Variants in DYM observed in about 807,000 individuals in gnomAD.
DYM encodes dyggve-Melchior-Clausen syndrome protein.
In DYM, 78 loss-of-function variants were observed where a neutral mutation model predicts 93.1. The ratio of observed to expected loss-of-function variants is 0.84; its 90% CI spans 0.70 to 1.01. The LOEUF (loss-of-function observed/expected upper bound fraction) is 1.01. Among genes scored for constraint, DYM ranks in the 50% least tolerant of loss-of-function variants. The probability of loss-of-function intolerance (pLI) is 0.00; values close to 1 mark genes in which losing one functional copy is unlikely to be tolerated. For missense variants in DYM, 789 were observed against 845.0 expected, an observed-to-expected ratio of 0.93 and a Z score of 0.82; for synonymous variants, 321 against 319.7, an observed-to-expected ratio of 1.00 and a Z score of -0.04.
At chr18:49,062,043 T>C (rs1470514339) in intron 17 of DYM, among the ~76,000 whole-genome samples, 2 of 152,154 alleles carry the variant, frequency 1.3e-5, no homozygotes, top group Admixed American at 1.3e-4. Flanking sequence ...GCCTGGATGT[T>C]CAGTTTAGCA....
chr18:49,431,407 A>C (rs2080307177), intron 1 of DYM, among the ~76,000 whole-genome samples: 1 of 152,212 alleles, frequency 6.6e-6, no homozygotes, highest in Non-Finnish European at 1.5e-5. Flanking sequence ...TGTTGAAGGA[A>C]CAAGGGAGTG....
At chr18:49,124,461 A>G (rs1266086749) in intron 15 of DYM, among the ~76,000 whole-genome samples, 1 of 150,992 alleles carries the variant, frequency 6.6e-6, no homozygotes, top group African/African-American at 2.4e-5. Context: ...GTGAGCTATG[A>G]TCATGCCACT....
At chr18:49,258,865 G>C (rs1157471414) in intron 11 of DYM, among the ~76,000 whole-genome samples, 31 of 143,672 alleles carry the variant, frequency 2.2e-4, no homozygotes, top group Admixed American at 4.8e-4. Context: ...GAGAGAGAGA[G>C]AGAGAGAGAG....
intron 3 of DYM, among the ~76,000 whole-genome samples, chr18:49,386,931 T>C (rs1326945517): frequency 6.6e-6 from 1 of 151,594 alleles, no homozygotes; most frequent in African/African-American, 2.4e-5. Flanking sequence ...GCAAAATTTC[T>C]TCGTATTTAT....
chr18:49,093,320 G>C (rs994552629), intron 17 of DYM: 3 of 152,344 alleles, frequency 2.0e-5, no homozygotes, highest in Non-Finnish European at 4.4e-5. Flanking sequence ...GGCTGACAGC[G>C]TTGGAGCACA....
At chr18:49,079,856 C>T (rs35792671) in intron 17 of DYM, among the ~76,000 whole-genome samples, 62,723 of 148,278 alleles carry the variant, frequency 0.42, 13,534 homozygotes, top group Middle Eastern at 0.49. Context: ...TCCCCACCTT[C>T]CCCCCCTTTC....
intron 2 of DYM, among the ~76,000 whole-genome samples, chr18:49,395,002 A>G (rs930005213): frequency 1.3e-5 from 2 of 151,882 alleles, no homozygotes; most frequent in African/African-American, 4.8e-5. Flanking sequence ...CTTAAAATAC[A>G]GACTTAAATG....
At position 49,258,825 on chromosome 18, in the gene DYM, G is replaced by GAC. The variant is rs1555664092; in HGVS notation, c.1252-334_1252-333dup. Among the ~76,000 whole-genome samples the GAC allele has an allele frequency of 6.4e-4, 80 of 125,042 alleles. 1 individual carries two copies. Among genetic ancestry groups the GAC allele is most frequent in the African/African-American group, 1.5e-3 (47 of 30,760 alleles). The allele number at this position is 125,042 out of a possible 152,430, so 82.0% of individuals were successfully genotyped here. On this transcript the variant is annotated intron_variant, in intron 11 of 17. Transcript: ENST00000675505. The stretch of plus-strand genomic sequence containing the variant: ...ACACACACACACACACACACACAGA[G>GAC]ACACACACACACACAGAGAGAGAGA...
intron 15 of DYM, among the ~76,000 whole-genome samples, chr18:49,128,011 A>C (rs1167280508): frequency 6.6e-6 from 1 of 152,214 alleles, no homozygotes; most frequent in Non-Finnish European, 1.5e-5. Flanking sequence ...AGCCTCAACC[A>C]CAACACTCTG....
At chr18:49,209,273 C>T (rs907902776) in intron 14 of DYM, among the ~76,000 whole-genome samples, 1 of 152,074 alleles carries the variant, frequency 6.6e-6, no homozygotes, top group East Asian at 1.9e-4. Flanking sequence ...CAAAAGATTC[C>T]CAAATGGAAT....
chr18:49,361,514 C>T (rs1429226326), intron 6 of DYM, among the ~76,000 whole-genome samples: 3 of 152,052 alleles, frequency 2.0e-5, no homozygotes, highest in Non-Finnish European at 4.4e-5. Context: ...TATGCATTTT[C>T]AACAGGAGAT....
intron 14 of DYM, among the ~76,000 whole-genome samples, chr18:49,188,890 A>G (rs950857014): frequency 6.6e-6 from 1 of 152,252 alleles, no homozygotes; most frequent in Non-Finnish European, 1.5e-5. Flanking sequence ...CATGTTTATC[A>G]CAGCACTATT....
intron 4 of DYM, among the ~76,000 whole-genome samples, chr18:49,379,271 C>A (rs2067810854): frequency 6.6e-6 from 1 of 151,978 alleles, no homozygotes. Flanking sequence ...AAAAGTTAAC[C>A]TTCCATTGAT....
At chr18:49,138,508 T>C in intron 15 of DYM, among the ~76,000 whole-genome samples, 1 of 152,166 alleles carries the variant, frequency 6.6e-6, no homozygotes, top group East Asian at 1.9e-4. Context: ...TTCACTGTAA[T>C]TTACTGGTTT....
chr18:49,316,529 A>C (rs1016529076), intron 8 of DYM, among the ~76,000 whole-genome samples: 22 of 152,350 alleles, frequency 1.4e-4, no homozygotes, highest in African/African-American at 5.0e-4. Context: ...AAATGCACAT[A>C]AGATGCAATT....
chr18:49,140,097 G>C (rs1340808499), intron 15 of DYM, among the ~76,000 whole-genome samples: 1 of 151,988 alleles, frequency 6.6e-6, no homozygotes, highest in Non-Finnish European at 1.5e-5. Context: ...TAAGTGCTCT[G>C]AACTCAATGG....
intron 6 of DYM, among the ~76,000 whole-genome samples, chr18:49,352,669 C>A (rs76795185): frequency 0.01 from 1,524 of 152,168 alleles, 43 homozygotes; most frequent in South Asian, 0.076. Flanking sequence ...ATGAATTTTG[C>A]TAAATGTAAA....
intron 13 of DYM, among the ~76,000 whole-genome samples, chr18:49,247,468 G>A (rs16950480): frequency 0.026 from 3,970 of 152,174 alleles, 179 homozygotes; most frequent in African/African-American, 0.089. Context: ...AAAATAAACA[G>A]GAATGGAGGC....
At chr18:49,411,798 A>G (rs2072278134) in intron 2 of DYM, 1 of 152,200 alleles carries the variant, frequency 6.6e-6, no homozygotes, top group African/African-American at 2.4e-5. Context: ...AACAACATAC[A>G]AATTCTGATA....
Sources: allele counts gnomAD v4.1 joint callset (sites outside exome capture counted in the v4.1 genomes callset), GRCh38; gene constraint gnomAD v4.1.1; transcripts MANE v1.5; gene names NCBI Gene and HGNC (gene_info 2026-07-23, HGNC 2026-07-21).